AGBL4: variants seen among roughly 807,000 people sequenced by gnomAD.
AGBL4 encodes the protein cytosolic carboxypeptidase 6.
AGBL4 carries 58 observed loss-of-function variants against 66.4 expected under a neutral mutation model. The ratio of observed to expected loss-of-function variants is 0.87; its 90% CI spans 0.71 to 1.09. The LOEUF is 1.09. Ranked by LOEUF, AGBL4 falls within the 50% of genes least tolerant of loss-of-function variation. The probability of loss-of-function intolerance (pLI) is 0.00; values close to 1 mark genes in which losing one functional copy is unlikely to be tolerated. For synonymous variants in AGBL4, 234 were observed against 222.9 expected (o/e 1.05, Z -0.44); for missense variants, 579 against 631.0 (o/e 0.92, Z 0.88).
intron 3 of AGBL4, among the ~76,000 whole-genome samples, chr1:49,302,314 G>A (rs747390934): frequency 9.3e-5 from 14 of 151,090 alleles, no homozygotes; most frequent in Non-Finnish European, 1.6e-4. Context: ...GTGCAATGGC[G>A]CAATCTTGGC....
intron 3 of AGBL4, among the ~76,000 whole-genome samples, chr1:49,436,761 A>G (rs1645913358): frequency 6.6e-6 from 1 of 152,160 alleles, no homozygotes; most frequent in Non-Finnish European, 1.5e-5. Context: ...GCTTATTTAG[A>G]CAGGCTAAGA....
intron 4 of AGBL4, chr1:49,187,702 C>T (rs1190147424): frequency 1.3e-5 from 2 of 152,174 alleles, no homozygotes; most frequent in African/African-American, 2.4e-5. Context: ...AGGCCCTTCA[C>T]TATGCGGCTC....
At chr1:48,631,781 A>C (rs1331300853) in intron 9 of AGBL4, among the ~76,000 whole-genome samples, 2 of 152,110 alleles carry the variant, frequency 1.3e-5, no homozygotes, top group African/African-American at 2.4e-5. Context: ...GTTAAAAGAT[A>C]CTCCAGGACA....
At chr1:48,866,470 A>T (rs1048433423) in intron 6 of AGBL4, among the ~76,000 whole-genome samples, 12 of 152,196 alleles carry the variant, frequency 7.9e-5, no homozygotes, top group African/African-American at 2.9e-4. Flanking sequence ...ATGGATGAAG[A>T]TAACCACCAC....
intron 5 of AGBL4, among the ~76,000 whole-genome samples, chr1:49,032,700 A>T (rs1473511884): frequency 6.6e-6 from 1 of 152,198 alleles, no homozygotes; most frequent in Non-Finnish European, 1.5e-5. Context: ...CCTTGGCTAA[A>T]GAAGCTGTTG....
chr1:49,135,439 A>G (rs1645991411), intron 4 of AGBL4, among the ~76,000 whole-genome samples: 1 of 151,246 alleles, frequency 6.6e-6, no homozygotes, highest in South Asian at 2.1e-4. Flanking sequence ...AATTAAAGAC[A>G]CACACACAGA....
intron 4 of AGBL4, among the ~76,000 whole-genome samples, chr1:49,199,928 C>T (rs1307019741): frequency 1.3e-5 from 2 of 152,158 alleles, no homozygotes; most frequent in Non-Finnish European, 2.9e-5. Flanking sequence ...GCATCCCTGT[C>T]CCATAGCCAT....
At position 48,780,778 on chromosome 1, in the gene AGBL4, C is replaced by G. The variant is rs186229559; in HGVS notation, c.634+86413G>C. Among the ~76,000 whole-genome samples the G allele has an allele frequency of 6.1e-3, 931 of 152,276 alleles. 12 individuals carry two copies. The highest frequency in any genetic ancestry group is 7.3e-3 in the Non-Finnish European group (499 of 68,016). On this transcript the variant is annotated intron_variant, in intron 6 of 13. Transcript: ENST00000371839. ...CTTACACCTTATACAAAAATTAACT[C>G]AAGATGGATTGAACACTTAAATGTA...
At chr1:49,042,243 G>A (rs867430423) in intron 5 of AGBL4, among the ~76,000 whole-genome samples, 1 of 151,914 alleles carries the variant, frequency 6.6e-6, no homozygotes, top group South Asian at 2.1e-4. Context: ...AATTCCTCGA[G>A]GATAATTTGA....
intron 5 of AGBL4, among the ~76,000 whole-genome samples, chr1:48,998,605 C>G (rs1661183284): frequency 6.6e-6 from 1 of 152,156 alleles, no homozygotes; most frequent in East Asian, 1.9e-4. Context: ...TCTCTCTTTC[C>G]TCTTTCAATC....
chr1:49,787,453 A>T (rs890648980), intron 2 of AGBL4, among the ~76,000 whole-genome samples: 2 of 151,248 alleles, frequency 1.3e-5, no homozygotes, highest in African/African-American at 4.9e-5. Context: ...CAGCGAGCCG[A>T]GATCAAGCCA....
At chr1:49,258,318 T>C (rs894570084) in intron 3 of AGBL4, among the ~76,000 whole-genome samples, 9 of 152,120 alleles carry the variant, frequency 5.9e-5, no homozygotes, top group Non-Finnish European at 1.2e-4. Flanking sequence ...ATGACTTTGA[T>C]GAGTTGAGAG....
chr1:48,627,763 G>A (rs1004248072), intron 9 of AGBL4, among the ~76,000 whole-genome samples: 3 of 152,010 alleles, frequency 2.0e-5, no homozygotes, highest in Non-Finnish European at 2.9e-5. Context: ...TCTAGTAAAC[G>A]GGGGGAAATC....
Position 49,387,605 on chromosome 1 carries a change from T to C in AGBL4, c.283-141741A>G, listed in dbSNP as rs147981835. ...TGTGCTGACAAAAATGTGGTGTTAA[T>C]GTCAAAACATTCAAAAATTCAGTAA... On this transcript the variant is annotated intron_variant, in intron 3 of 13. Transcript: ENST00000371839. Among the ~76,000 whole-genome samples, 9 of 152,190 alleles carry C rather than the reference T, an allele frequency of 5.9e-5. No individual in the cohort carries two copies. In the East Asian group the frequency reaches 1.5e-3, roughly 26 times the overall value.
rs1401540312 is a variant in AGBL4, at chr1:49,475,063, G to T, written c.282+222250C>A. ...GTTTTTGCCCATTCACTATGATATTGGCTGTAGGTTTATCATAGATGGCTT... is the reference window on the plus strand; with the variant it reads ...GTTTTTGCCCATTCACTATGATATTTGCTGTAGGTTTATCATAGATGGCTT... On this transcript the variant is annotated intron_variant, in intron 3 of 13. Transcript: ENST00000371839. Among the ~76,000 whole-genome samples, 8 of 151,940 alleles carry T rather than the reference G, an allele frequency of 5.3e-5. 1 individual carries two copies. In the East Asian group the frequency reaches 9.7e-4, roughly 18 times the overall value.
At chr1:49,472,103 A>G (rs1021708986) in intron 3 of AGBL4, 1 of 152,014 alleles carries the variant, frequency 6.6e-6, no homozygotes, top group Non-Finnish European at 1.5e-5. Flanking sequence ...GTAACAAGGG[A>G]CCCCTTCTGT....
chr1:49,575,863 A>T (rs1360024141), intron 3 of AGBL4, among the ~76,000 whole-genome samples: 1 of 152,218 alleles, frequency 6.6e-6, no homozygotes, highest in African/African-American at 2.4e-5. Flanking sequence ...GCTTTGTGTC[A>T]TAATCTTATT....
intron 4 of AGBL4, among the ~76,000 whole-genome samples, chr1:49,112,310 C>G (rs1645428505): frequency 6.6e-6 from 1 of 152,216 alleles, no homozygotes; most frequent in Admixed American, 6.5e-5. Context: ...CAGACACATA[C>G]AGGCATACAA....
chr1:49,198,053 G>A (rs1208055800), intron 4 of AGBL4, among the ~76,000 whole-genome samples: 1 of 152,020 alleles, frequency 6.6e-6, no homozygotes, highest in African/African-American at 2.4e-5. Context: ...TCTTCTCACA[G>A]TCTTCTGATT....
Sources: allele counts gnomAD v4.1 joint callset (sites outside exome capture counted in the v4.1 genomes callset), GRCh38; gene constraint gnomAD v4.1.1; transcripts MANE v1.5; gene names NCBI Gene and HGNC (gene_info 2026-07-23, HGNC 2026-07-21).